The following MYO16 variants were observed in gnomAD, a reference collection of about 807,000 sequenced individuals.
MYO16 encodes the protein unconventional myosin-XVI.
MYO16 carries 94 observed loss-of-function variants against 205.3 expected under a neutral mutation model. That is an observed-to-expected ratio of 0.46 (90% confidence interval 0.39 to 0.54). The LOEUF is 0.54. MYO16 is among the 20% of genes least tolerant of loss of function. MYO16 has a pLI of 0.00. For missense variants in MYO16, 2,315 were observed against 2,387.5 expected (o/e 0.97, Z 0.63); for synonymous variants, 988 against 954.0 (o/e 1.04, Z -0.66).
chr13:108,707,885 A>C (rs949773532), intron 2 of MYO16, among the ~76,000 whole-genome samples: 12 of 152,180 alleles, frequency 7.9e-5, no homozygotes, highest in African/African-American at 2.9e-4. Context: ...AAAGGATTGA[A>C]GAGATGGGAC....
intron 31 of MYO16, among the ~76,000 whole-genome samples, chr13:109,138,035 C>G (rs1479176756): frequency 2.6e-5 from 4 of 152,190 alleles, no homozygotes; most frequent in Non-Finnish European, 5.9e-5. Context: ...GGGAACTTCT[C>G]TTTATTCATG....
intron 7 of MYO16, among the ~76,000 whole-genome samples, chr13:108,820,049 T>C (rs1289940509): frequency 6.6e-6 from 1 of 152,222 alleles, no homozygotes; most frequent in African/African-American, 2.4e-5. Context: ...ATCCTAAAAA[T>C]ACGTATAATA....
intron 1 of MYO16, among the ~76,000 whole-genome samples, chr13:108,638,718 T>C (rs560117551): frequency 5.9e-5 from 9 of 152,316 alleles, no homozygotes; most frequent in African/African-American, 2.2e-4. Flanking sequence ...TTTATATGTA[T>C]AAATAGAATT....
chr13:109,019,882 G>A lies in MYO16; in HGVS notation c.2767G>A (p.Ala923Thr), dbSNP rs952846088. 1.1e-5 allele frequency: 18 copies of A among 1,614,020 alleles called. No individual in the cohort carries two copies. The highest frequency in any genetic ancestry group is 1.4e-5 in the Non-Finnish European group (16 of 1,180,028). ...TGTTGCCCTCAAAGACCACGGTACA[G>A]CCTTCACCATCATGCACTACGCAGG... ...GNVALKDHGTAFTIMHYAGRV... is the reference protein window; with the variant it reads ...GNVALKDHGTTFTIMHYAGRV... The change falls in exon 23 of 35, where the codon GCC becomes ACC. Residue 923 changes from alanine (A) to threonine (T), a missense_variant. Transcript: ENST00000457511.
intron 18 of MYO16, 145 bp from the exon 19 acceptor site, chr13:108,962,279 A>T (rs1220725397): frequency 3.3e-6 from 2 of 613,486 alleles, no homozygotes; most frequent in Non-Finnish European, 5.6e-6. Context: ...GTTGAATTTG[A>T]CAATTACAGT....
intron 32 of MYO16, among the ~76,000 whole-genome samples, chr13:109,160,119 C>T (rs1406897084): frequency 1.3e-5 from 2 of 152,236 alleles, no homozygotes; most frequent in African/African-American, 2.4e-5. Context: ...CACCAGACGT[C>T]AGTAGCACAC....
At chr13:108,776,832 A>T (rs1047073685) in intron 4 of MYO16, among the ~76,000 whole-genome samples, 1 of 152,182 alleles carries the variant, frequency 6.6e-6, no homozygotes. Flanking sequence ...GAGGGCAAGC[A>T]GTTTCTCCAA....
intron 31 of MYO16, among the ~76,000 whole-genome samples, chr13:109,134,512 G>A (rs1019473436): frequency 1.1e-4 from 16 of 152,148 alleles, no homozygotes; most frequent in Non-Finnish European, 2.4e-4. Flanking sequence ...AAGGTGGCTG[G>A]AATCATCTGA....
Position 109,163,117 on chromosome 13 carries a change from A to G in MYO16, c.5165-1784A>G, listed in dbSNP as rs74119877. ...ATGCCGATAGTTTTGCCTTTATTCC[A>G]TCTATCCAGCGTTTCCTGCTCATAA... On this transcript the variant is annotated intron_variant, in intron 32 of 34. Transcript: ENST00000457511. Among the ~76,000 whole-genome samples the G allele has an allele frequency of 3.1e-3, 475 of 152,076 alleles. 3 individuals carry two copies. The highest frequency in any genetic ancestry group is 0.011 in the African/African-American group (454 of 41,476).
rs117101050 is a variant in MYO16, at chr13:108,857,095, T to C, written c.1359+1542T>C. ...CATCAAGGACTTTCCTTAGACTGTT[T>C]TTTTGTTTGTTTGTTTCTCCTAGAG... On this transcript the variant is annotated intron_variant, in intron 11 of 34. Transcript: ENST00000457511. Among the ~76,000 whole-genome samples the C allele has an allele frequency of 6.7e-3, 1,017 of 152,306 alleles. 8 individuals are homozygous for C. The highest frequency in any genetic ancestry group is 0.011 in the Admixed American group (173 of 15,298).
At chr13:108,911,066 C>CACACACACACACACACACACACAG (rs59417999) in intron 16 of MYO16, among the ~76,000 whole-genome samples, 2 of 143,026 alleles carry the variant, frequency 1.4e-5, no homozygotes, top group Non-Finnish European at 3.0e-5. Context: ...CACACACACA[C>CACACACACACACACACACACACAG]AGAGAGAGAG....
chr13:108,736,924 A>G (rs2139603423), intron 4 of MYO16, among the ~76,000 whole-genome samples: 1 of 152,266 alleles, frequency 6.6e-6, no homozygotes, highest in Non-Finnish European at 1.5e-5. Context: ...GAGATCCCTC[A>G]TGATTTGGCT....
Position 108,993,173 on chromosome 13 carries a change from T to C in MYO16, c.2442+725T>C, listed in dbSNP as rs191129276. ...AGCATTTGGGAGGAATTTTCATAGT[T>C]ACGTAATTTGTTTAGCTTTATTTTC... On this transcript the variant is annotated intron_variant, in intron 21 of 34. Coordinates refer to ENST00000457511, the MANE Select transcript of MYO16 (RefSeq NM_001198950.3). 5.3e-3 allele frequency among the ~76,000 whole-genome samples: 806 copies of C among 152,248 alleles called. 4 individuals carry two copies. The highest frequency in any genetic ancestry group is 7.1e-3 in the Non-Finnish European group (481 of 68,000).
chr13:109,023,709 A>ATACATATATATATATATGTATATAT lies in MYO16; in HGVS notation c.2796+3802_2796+3803insTATATATATATATGTATATATTACA, dbSNP rs571275985. On this transcript the variant is annotated intron_variant, in intron 23 of 34. Coordinates refer to ENST00000457511, the MANE Select transcript of MYO16 (RefSeq NM_001198950.3). The stretch of plus-strand genomic sequence containing the variant: ...TACATATATATGTATATATGTATAT[A>ATACATATATATATATATGTATATAT]TACAAATATATGTATATATGCATAT... 1.8e-3 allele frequency among the ~76,000 whole-genome samples: 220 copies of ATACATATATATATATATGTATATAT among 124,138 alleles called. 1 individual carries two copies. Among genetic ancestry groups the ATACATATATATATATATGTATATAT allele is most frequent in the Non-Finnish European group, 2.9e-3 (183 of 62,726 alleles). 81.4% of individuals were successfully genotyped at this position (124,138 alleles called of 152,430 possible). A position where few individuals can be genotyped will look rare whatever the true frequency, so the allele number is the denominator to read the frequency against.
chr13:109,199,548 A>G (rs917495572), intron 34 of MYO16, among the ~76,000 whole-genome samples: 1 of 152,176 alleles, frequency 6.6e-6, no homozygotes, highest in Admixed American at 6.5e-5. Context: ...TGGGGTGAAG[A>G]TAATAAATCT....
At chr13:108,679,132 T>C (rs2139463813) in intron 2 of MYO16, among the ~76,000 whole-genome samples, 1 of 152,228 alleles carries the variant, frequency 6.6e-6, no homozygotes, top group South Asian at 2.1e-4. Flanking sequence ...AAGAATATTT[T>C]CTTTAAATAC....
At chr13:109,071,561 GC>G (rs1887926747) in intron 27 of MYO16, among the ~76,000 whole-genome samples, 1 of 152,050 alleles carries the variant, frequency 6.6e-6, no homozygotes, top group Admixed American at 6.5e-5. Flanking sequence ...ACAACATGTG[GC>G]ATTCATCAAA....
intron 2 of MYO16, among the ~76,000 whole-genome samples, chr13:108,704,335 G>T (rs1282493963): frequency 6.6e-6 from 1 of 152,072 alleles, no homozygotes; most frequent in East Asian, 1.9e-4. Context: ...TTCTTAAAGA[G>T]AATTTTATAG....
chr13:108,777,221 A>G (rs1289877850), intron 4 of MYO16, among the ~76,000 whole-genome samples: 3 of 152,304 alleles, frequency 2.0e-5, no homozygotes, highest in East Asian at 3.9e-4. Flanking sequence ...ATTACTGTGC[A>G]ATACTCACTT....
Sources: gnomAD v4.1 joint callset for allele counts (sites outside exome capture counted in the v4.1 genomes callset) on GRCh38, gnomAD v4.1.1 for gene constraint, MANE v1.5 for transcripts, NCBI Gene and HGNC (gene_info 2026-07-23, HGNC 2026-07-21) for gene names.